Variants in VCL observed in about 807,000 individuals in gnomAD.
The protein encoded by VCL is epididymis luminal protein 114.
A neutral mutation model predicts 125.7 loss-of-function variants in VCL; 47 were observed. That is an observed-to-expected ratio of 0.37 (90% CI 0.30 to 0.48). VCL has a LOEUF of 0.48. Among genes scored for constraint, VCL ranks in the 20% least tolerant of loss-of-function variants. The probability of loss-of-function intolerance (pLI) is 0.99; values close to 1 mark genes in which losing one functional copy is unlikely to be tolerated. For missense variants in VCL, 1,069 were observed against 1,455.5 expected, an observed-to-expected ratio of 0.73 and a Z score of 4.32; for synonymous variants, 458 against 514.6, an observed-to-expected ratio of 0.89 and a Z score of 1.49.
chr10:74,104,979 AG>A lies in VCL; in HGVS notation c.2132-71del, dbSNP rs1840109328. On this transcript the variant is annotated intron_variant, in intron 15 of 21. Coordinates refer to ENST00000211998, the MANE Select transcript of VCL (RefSeq NM_014000.3). ...GTTATACTTTCTCATGAGAAGTTTG[AG>A]TGGATAACAGTGTTTTGGAGTTTCT... 3.3e-6 allele frequency: 5 copies of A among 1,520,054 alleles called. No individual in the cohort carries two copies. The South Asian group carries it at 5.9e-5, about 18-fold the overall frequency. The allele number at this position is 1,520,054 out of a possible 1,614,324, so 94.2% of individuals were successfully genotyped here. A position where few individuals can be genotyped will look rare whatever the true frequency, so the allele number is the denominator to read the frequency against.
chr10:74,029,113 A>G (rs1840826264), intron 1 of VCL, among the ~76,000 whole-genome samples: 3 of 146,432 alleles, frequency 2.0e-5, no homozygotes, highest in African/African-American at 7.6e-5. Context: ...CTCCATACAG[A>G]AGAATTTTTT....
In VCL at chr10:74,114,836, C is replaced by G; in HGVS notation, c.3195C>G (p.Ile1065Met). The G allele has an allele frequency of 6.2e-7, 1 of 1,608,920 alleles. No individual in the cohort carries two copies. Among genetic ancestry groups the G allele is most frequent in the Non-Finnish European group, 8.5e-7 (1 of 1,178,402 alleles). The change falls in exon 21 of 22, where the codon ATC becomes ATG. Residue 1065 changes from isoleucine to methionine, a missense_variant. Ile to Met is a conservative substitution (Grantham distance 10). Around this residue, in one of 6 missense-constraint regions of VCL, gnomAD observed 91 missense variants for 203.9 expected, o/e 0.45. Transcript: ENST00000211998. ...RIPTISTQLK[I>M]LSTVKATMLG... ...CAACCATAAGCACCCAGCTCAAAATCCTGTCCACAGTGAAGGCCACCATGC... is the reference window on the plus strand; with the variant it reads ...CAACCATAAGCACCCAGCTCAAAATGCTGTCCACAGTGAAGGCCACCATGC...
rs375428567 is a variant in VCL at position 74,089,844 on chromosome 10, T to A, written c.1177-179T>A. On this transcript the variant is annotated intron_variant, in intron 9 of 21. Transcript: ENST00000211998. The stretch of plus-strand genomic sequence containing the variant: ...CTAATGGGTGTAAAAAAATTGATTT[T>A]AAAAAGATGAGAGATTGAGTTTCTT... 2.1e-4 allele frequency among the ~76,000 whole-genome samples: 32 copies of A among 150,586 alleles called. 1 individual carries two copies. Among genetic ancestry groups the A allele is most frequent in the African/African-American group, 3.0e-4 (12 of 39,836 alleles).
At chr10:74,117,225 A>G (rs1180517504) in intron 21 of VCL, among the ~76,000 whole-genome samples, 1 of 152,028 alleles carries the variant, frequency 6.6e-6, no homozygotes, top group African/African-American at 2.4e-5. Context: ...GGGGTATGAC[A>G]GTGCACAAAA....
chr10:74,023,390 T>C (rs1840709778), intron 1 of VCL, among the ~76,000 whole-genome samples: 1 of 152,216 alleles, frequency 6.6e-6, no homozygotes. Context: ...TGTGTAAGTA[T>C]ACTCTATGAT....
chr10:74,116,461 A>G (rs1033242308), intron 21 of VCL, among the ~76,000 whole-genome samples: 3 of 152,206 alleles, frequency 2.0e-5, no homozygotes, highest in Non-Finnish European at 4.4e-5. Context: ...CAGAGACTTA[A>G]TCAATTAACC....
chr10:74,112,177 C>T, intron 19 of VCL, 65 bp downstream of exon 19: 1 of 1,581,454 alleles, frequency 6.3e-7, no homozygotes, highest in Non-Finnish European at 8.7e-7. Context: ...AGCCTTGACA[C>T]ATTGCATCAC....
At chr10:74,055,502 A>G (rs972290602) in intron 2 of VCL, among the ~76,000 whole-genome samples, 2 of 151,134 alleles carry the variant, frequency 1.3e-5, no homozygotes, top group African/African-American at 2.4e-5. Flanking sequence ...GCATGCTACC[A>G]TACCTGGCTA....
At chr10:74,070,053 TCAAA>T (rs1841640067) in intron 2 of VCL, among the ~76,000 whole-genome samples, 1 of 152,228 alleles carries the variant, frequency 6.6e-6, no homozygotes, top group Non-Finnish European at 1.5e-5. Flanking sequence ...AATGGATTTA[TCAAA>T]CAAATTTATT....
rs1564536989 is a variant in VCL at position 74,118,389 on chromosome 10, C to T, written c.*220C>T. On this transcript the variant is annotated 3_prime_UTR_variant, in exon 22 of 22. Transcript: ENST00000211998. ...TGTATAAAGCCTGTATTCTCAAACACAGTTACACTTGTGCACCCTCTATCC... is the reference window on the plus strand; with the variant it reads ...TGTATAAAGCCTGTATTCTCAAACATAGTTACACTTGTGCACCCTCTATCC... 1 of 615,490 alleles carries T rather than the reference C, an allele frequency of 1.6e-6. No individual in the cohort carries two copies. Among genetic ancestry groups the T allele is most frequent in the Non-Finnish European group, 2.9e-6 (1 of 350,380 alleles). 38.1% of individuals were successfully genotyped at this position (615,490 alleles called of 1,614,324 possible).
intron 17 of VCL, among the ~76,000 whole-genome samples, chr10:74,108,556 G>A (rs1227135569): frequency 1.3e-5 from 2 of 151,544 alleles, no homozygotes; most frequent in Non-Finnish European, 2.9e-5. Flanking sequence ...CTCAGCTCAC[G>A]GCAACCTCTG....
At chr10:74,083,579 A>T in intron 8 of VCL, 66 bp downstream of exon 8, 2 of 1,590,072 alleles carry the variant, frequency 1.3e-6, no homozygotes, top group Non-Finnish European at 1.7e-6. Flanking sequence ...TGATTCAGAA[A>T]ACAAGCCTCT....
At chr10:74,034,815 C>T (rs948477197) in intron 1 of VCL, among the ~76,000 whole-genome samples, 5 of 152,290 alleles carry the variant, frequency 3.3e-5, no homozygotes, top group Admixed American at 6.5e-5. Context: ...AGTTCATCAC[C>T]ACCCCAGAAA....
intron 1 of VCL, among the ~76,000 whole-genome samples, chr10:74,019,436 G>T (rs1183843010): frequency 6.6e-6 from 1 of 151,652 alleles, no homozygotes; most frequent in African/African-American, 2.4e-5. Flanking sequence ...CCCAGTGTGT[G>T]ATGTTCCCCT....
chr10:74,045,248 CAG>C (rs985435213), intron 2 of VCL, among the ~76,000 whole-genome samples: 2 of 146,790 alleles, frequency 1.4e-5, no homozygotes, highest in Non-Finnish European at 3.0e-5. Context: ...AAATGAAAAA[CAG>C]AGAGACAGAG....
intron 2 of VCL, among the ~76,000 whole-genome samples, chr10:74,052,946 A>ATATATAT (rs1554815581): frequency 3.0e-5 from 3 of 99,812 alleles, no homozygotes; most frequent in Admixed American, 1.1e-4. Flanking sequence ...GAAAAAAAAA[A>ATATATAT]ATATATATAT....
At chr10:74,014,136 G>T (rs928751339) in intron 1 of VCL, among the ~76,000 whole-genome samples, 5 of 152,322 alleles carry the variant, frequency 3.3e-5, no homozygotes, top group Admixed American at 6.5e-5. Flanking sequence ...GAGGGAAAAA[G>T]TATATATATA....
chr10:74,014,394 G>C (rs1840496568), intron 1 of VCL, among the ~76,000 whole-genome samples: 1 of 151,778 alleles, frequency 6.6e-6, no homozygotes, highest in Non-Finnish European at 1.5e-5. Context: ...GCCATGCCTG[G>C]CTAATTTTTT....
intron 2 of VCL, among the ~76,000 whole-genome samples, chr10:74,043,450 G>T (rs1424372064): frequency 6.6e-6 from 1 of 151,922 alleles, no homozygotes; most frequent in Admixed American, 6.6e-5. Flanking sequence ...GGGTTCAAAT[G>T]ATTTGCCTGT....
Sources: allele counts gnomAD v4.1 joint callset (sites outside exome capture counted in the v4.1 genomes callset), GRCh38; gene constraint gnomAD v4.1.1; regional missense constraint gnomAD v4.1.1; transcripts MANE v1.5; gene names NCBI Gene and HGNC (gene_info 2026-07-23, HGNC 2026-07-21).